Variants in MTA3 observed in about 807,000 individuals in gnomAD.
MTA3 encodes the protein metastasis associated 1 family member 3.
MTA3 carries 34 observed loss-of-function variants against 83.5 expected under a neutral mutation model. The ratio of observed to expected loss-of-function variants is 0.41; its 90% CI spans 0.31 to 0.54. The LOEUF (loss-of-function observed/expected upper bound fraction) is 0.54, where lower values mean the gene tolerates loss of function less well. Among genes scored for constraint, MTA3 ranks in the 20% least tolerant of loss-of-function variants. The probability of loss-of-function intolerance (pLI) is 0.33; values close to 1 mark genes in which losing one functional copy is unlikely to be tolerated. For synonymous variants in MTA3, 303 were observed against 252.7 expected, an observed-to-expected ratio of 1.20 and a Z score of -1.89; for missense variants, 761 against 726.4, an observed-to-expected ratio of 1.05 and a Z score of -0.55.
At chr2:42,708,549 T>A (rs1035594111) in intron 13 of MTA3, among the ~76,000 whole-genome samples, 2 of 152,128 alleles carry the variant, frequency 1.3e-5, no homozygotes, top group African/African-American at 4.8e-5. Flanking sequence ...ACTACCCTTT[T>A]TCAGTGCTGA....
intron 16 of MTA3, among the ~76,000 whole-genome samples, chr2:42,747,616 A>G (rs1268133519): frequency 1.3e-5 from 2 of 150,998 alleles, no homozygotes; most frequent in Non-Finnish European, 3.0e-5. Flanking sequence ...CTGGCTGATA[A>G]CGCCCATAGT....
At chr2:42,700,549 CTG>C (rs1006445716) in intron 11 of MTA3, among the ~76,000 whole-genome samples, 6 of 152,284 alleles carry the variant, frequency 3.9e-5, no homozygotes, top group Admixed American at 2.6e-4. Flanking sequence ...GGCAGCTCAA[CTG>C]TACATTTGTA....
rs1344049758 is a variant in MTA3, at chr2:42,709,197, A to G, written c.1525+101A>G. 57 of 1,476,092 alleles carry G rather than the reference A, an allele frequency of 3.9e-5. No individual in the cohort carries two copies. In the South Asian group the frequency reaches 7.3e-4, roughly 19 times the overall value. 91.4% of individuals were successfully genotyped at this position (1,476,092 alleles called of 1,614,324 possible). A position where few individuals can be genotyped will look rare whatever the true frequency, so the allele number is the denominator to read the frequency against. ...TTTTGTTTGTTTGTTTGCAATAAACATAAGTTCTTGTGTACAGCCTTTTAT... is the reference window on the plus strand; with the variant it reads ...TTTTGTTTGTTTGTTTGCAATAAACGTAAGTTCTTGTGTACAGCCTTTTAT... On this transcript the variant is annotated intron_variant, in intron 14 of 16. Transcript: ENST00000405094.
At chr2:42,635,802 T>C (rs1687136368) in intron 4 of MTA3, among the ~76,000 whole-genome samples, 1 of 152,166 alleles carries the variant, frequency 6.6e-6, no homozygotes, top group Non-Finnish European at 1.5e-5. Context: ...AATTTCACTC[T>C]GTCACCCAGG....
chr2:42,671,662 A>T (rs1407506567), intron 8 of MTA3, among the ~76,000 whole-genome samples: 1 of 152,146 alleles, frequency 6.6e-6, no homozygotes, highest in African/African-American at 2.4e-5. Context: ...AATATTCACT[A>T]ATTTGCCTTA....
Position 42,570,928 on chromosome 2 carries a change from G to T in MTA3, c.96+424G>T, listed in dbSNP as rs938083345. On this transcript the variant is annotated intron_variant, in intron 2 of 16. Coordinates refer to ENST00000405094, the MANE Select transcript of MTA3 (RefSeq NM_001330442.2). ...CTCGAGAGGCTGAGGAAGGAGAATC[G>T]CTTGAACCCGGGAGGCGGAGGTTGC... Among the ~76,000 whole-genome samples, 3 of 151,668 alleles carry T rather than the reference G, an allele frequency of 2.0e-5. No individual in the cohort carries two copies. The South Asian group carries it at 6.3e-4, about 32-fold the overall frequency.
At chr2:42,666,703 C>T (rs905990288) in intron 8 of MTA3, among the ~76,000 whole-genome samples, 7 of 152,152 alleles carry the variant, frequency 4.6e-5, no homozygotes, top group African/African-American at 1.7e-4. Flanking sequence ...TCTCTCCTTC[C>T]CATTCCCTGC....
At chr2:42,622,649 A>C (rs1178585827) in intron 4 of MTA3, among the ~76,000 whole-genome samples, 1 of 152,082 alleles carries the variant, frequency 6.6e-6, no homozygotes, top group Admixed American at 6.6e-5. Context: ...TCTTTTTAAA[A>C]AAATTTTTGC....
intron 2 of MTA3, among the ~76,000 whole-genome samples, chr2:42,527,058 A>C (rs1675746514): frequency 6.7e-6 from 1 of 150,010 alleles, no homozygotes; most frequent in Non-Finnish European, 1.5e-5. Flanking sequence ...GTCTCAAAAA[A>C]AAAAAAAAAA....
chr2:42,692,935 T>C (rs1229920140), intron 9 of MTA3, among the ~76,000 whole-genome samples: 2 of 152,220 alleles, frequency 1.3e-5, no homozygotes, highest in African/African-American at 2.4e-5. Context: ...TGAAAAGGCT[T>C]TCTAAAGGAC....
chr2:42,497,268 G>C (rs1045981316), intron 2 of MTA3, among the ~76,000 whole-genome samples: 2 of 151,662 alleles, frequency 1.3e-5, no homozygotes, highest in Non-Finnish European at 2.9e-5. Context: ...TATAAAAGTA[G>C]ATAATTAGAA....
intron 16 of MTA3, among the ~76,000 whole-genome samples, chr2:42,747,239 A>G (rs1669509562): frequency 6.6e-6 from 1 of 152,062 alleles, no homozygotes; most frequent in Non-Finnish European, 1.5e-5. Flanking sequence ...ACCTCAGGTT[A>G]TCCGCCCACC....
intron 7 of MTA3, chr2:42,659,548 A>G (rs1309187227): frequency 4.3e-6 from 1 of 233,828 alleles, no homozygotes; most frequent in African/African-American, 2.3e-5. Context: ...TGATTTCATG[A>G]TAACGACCTG....
intron 3 of MTA3, among the ~76,000 whole-genome samples, chr2:42,597,454 C>T (rs547693637): frequency 1.4e-5 from 2 of 143,844 alleles, no homozygotes; most frequent in East Asian, 2.1e-4. Context: ...GGCATGATCT[C>T]GGCTCACTGC....
chr2:42,705,141 G>C (rs750615532), intron 12 of MTA3, among the ~76,000 whole-genome samples: 1 of 152,184 alleles, frequency 6.6e-6, no homozygotes, highest in African/African-American at 2.4e-5. Context: ...CTGTGAGTAC[G>C]ATTACGTCGA....
At chr2:42,745,391 G>C (rs1669332451) in intron 16 of MTA3, among the ~76,000 whole-genome samples, 1 of 152,226 alleles carries the variant, frequency 6.6e-6, no homozygotes, top group South Asian at 2.1e-4. Context: ...AAGTATCTGG[G>C]ACTGAACATT....
intron 16 of MTA3, among the ~76,000 whole-genome samples, chr2:42,727,404 C>G (rs376480746): frequency 6.6e-6 from 1 of 152,338 alleles, no homozygotes; most frequent in African/African-American, 2.4e-5. Context: ...CCAGTCCCAT[C>G]TCCTCCACTG....
At chr2:42,523,568 G>A (rs906215090) in intron 2 of MTA3, among the ~76,000 whole-genome samples, 9 of 152,106 alleles carry the variant, frequency 5.9e-5, no homozygotes, top group Admixed American at 5.2e-4. Flanking sequence ...TGTGTGAGAC[G>A]GAAATCAGCG....
chr2:42,722,809 G>A (rs1016124411), intron 15 of MTA3, 80 bp from the exon 16 acceptor site: 6 of 1,468,186 alleles, frequency 4.1e-6, no homozygotes, highest in Non-Finnish European at 4.6e-6. Flanking sequence ...GAAATAAGAT[G>A]TGTGCCTATT....
Sources: gnomAD v4.1 joint callset for allele counts (sites outside exome capture counted in the v4.1 genomes callset) on GRCh38, gnomAD v4.1.1 for gene constraint, MANE v1.5 for transcripts, NCBI Gene and HGNC (gene_info 2026-07-23, HGNC 2026-07-21) for gene names.